ADGRL3: variants seen among roughly 807,000 people sequenced by gnomAD.
ADGRL3 encodes calcium-independent alpha-latrotoxin receptor 3.
In ADGRL3, 62 loss-of-function variants were observed where a neutral mutation model predicts 153.5. The ratio of observed to expected loss-of-function variants is 0.40; its 90% confidence interval spans 0.33 to 0.50. ADGRL3 has a LOEUF of 0.50. Ranked by LOEUF, ADGRL3 falls within the 20% of genes least tolerant of loss-of-function variation. ADGRL3 has a pLI of 0.47. For missense variants in ADGRL3, 1,641 were observed against 1,859.4 expected, an observed-to-expected ratio of 0.88 and a Z score of 2.16; for synonymous variants, 710 against 672.5, an observed-to-expected ratio of 1.06 and a Z score of -0.86.
chr4:61,663,461 C>T (rs73825914), intron 5 of ADGRL3, among the ~76,000 whole-genome samples: 4,107 of 152,332 alleles, frequency 0.027, 125 homozygotes, highest in East Asian at 0.12. Flanking sequence ...TACCCCACCG[C>T]AGCCGGTGTG....
At chr4:62,056,841 A>G (rs1737285020) in intron 25 of ADGRL3, among the ~76,000 whole-genome samples, 2 of 152,128 alleles carry the variant, frequency 1.3e-5, no homozygotes, top group Admixed American at 6.6e-5. Context: ...TTATTAGGAT[A>G]AAGCAAACAG....
intron 1 of ADGRL3, among the ~76,000 whole-genome samples, chr4:61,295,680 C>A (rs2094386001): frequency 6.6e-6 from 1 of 151,844 alleles, no homozygotes; most frequent in Admixed American, 6.6e-5. Flanking sequence ...GCGGGCTGGG[C>A]ACAGTGGCTC....
At chr4:61,603,047 C>T (rs750242707) in intron 5 of ADGRL3, among the ~76,000 whole-genome samples, 1 of 152,070 alleles carries the variant, frequency 6.6e-6, no homozygotes, top group Non-Finnish European at 1.5e-5. Flanking sequence ...TAAGATATTT[C>T]AAGCAATAAT....
chr4:61,662,297 C>T (rs914049297), intron 5 of ADGRL3, among the ~76,000 whole-genome samples: 2 of 152,218 alleles, frequency 1.3e-5, no homozygotes, highest in African/African-American at 4.8e-5. Flanking sequence ...TGATTGTGGA[C>T]CCAGGCATTA....
chr4:61,840,784 T>C (rs1463450974), intron 9 of ADGRL3, among the ~76,000 whole-genome samples: 1 of 152,184 alleles, frequency 6.6e-6, no homozygotes, highest in Non-Finnish European at 1.5e-5. Context: ...AGAAAAAGGT[T>C]TGAAATAATT....
intron 19 of ADGRL3, among the ~76,000 whole-genome samples, chr4:61,988,085 T>C (rs1179302183): frequency 6.6e-6 from 1 of 152,164 alleles, no homozygotes; most frequent in Admixed American, 6.5e-5. Flanking sequence ...TTTTGATGTT[T>C]TTCTATGAAA....
At chr4:61,666,744 T>C (rs1004850911) in intron 5 of ADGRL3, among the ~76,000 whole-genome samples, 1 of 152,148 alleles carries the variant, frequency 6.6e-6, no homozygotes, top group African/African-American at 2.4e-5. Flanking sequence ...AAGCAATATC[T>C]TTATTTGCTG....
At chr4:61,516,657 G>T (rs2098497503) in intron 3 of ADGRL3, among the ~76,000 whole-genome samples, 1 of 151,880 alleles carries the variant, frequency 6.6e-6, no homozygotes, top group African/African-American at 2.4e-5. Flanking sequence ...CCATTTGTCA[G>T]TAAAATCACT....
At chr4:61,583,702 G>C (rs752992809) in intron 4 of ADGRL3, 1 of 518,562 alleles carries the variant, frequency 1.9e-6, no homozygotes, top group Admixed American at 1.9e-5. Context: ...TCAGTGAGTA[G>C]TTCCAAAGTG....
intron 1 of ADGRL3, among the ~76,000 whole-genome samples, chr4:61,243,950 C>G (rs527243576): frequency 6.6e-6 from 1 of 151,974 alleles, no homozygotes; most frequent in East Asian, 1.9e-4. Context: ...AAATACTATC[C>G]TTAGATTTAA....
intron 1 of ADGRL3, among the ~76,000 whole-genome samples, chr4:61,350,004 T>TA (rs1397814910): frequency 1.3e-5 from 2 of 152,180 alleles, no homozygotes; most frequent in Non-Finnish European, 2.9e-5. Context: ...AAGAACACTA[T>TA]TTAAGGTTAT....
chr4:61,956,641 G>A (rs1374191644), intron 17 of ADGRL3, among the ~76,000 whole-genome samples: 1 of 152,170 alleles, frequency 6.6e-6, no homozygotes, highest in African/African-American at 2.4e-5. Context: ...TATTGCCTAG[G>A]TTTGGTTCTG....
chr4:61,858,409 T>C (rs902569941), intron 9 of ADGRL3, among the ~76,000 whole-genome samples: 3 of 152,024 alleles, frequency 2.0e-5, no homozygotes, highest in Admixed American at 2.0e-4. Context: ...GATCACCAGG[T>C]CAGGAGTTCA....
In ADGRL3 at chr4:61,701,379, G is replaced by A. The variant is rs2095755300; in HGVS notation, c.583+24444G>A. On this transcript the variant is annotated intron_variant, in intron 6 of 26. Coordinates refer to ENST00000683033, the MANE Select transcript of ADGRL3 (RefSeq NM_001387552.1). ...GGGAAGAAAATGGTTACATAATCAA[G>A]TAAGTTTATAAGACAACATAATAAG... 2.7e-5 allele frequency among the ~76,000 whole-genome samples: 4 copies of A among 150,300 alleles called. 1 individual carries two copies. The South Asian group carries it at 8.4e-4, about 32-fold the overall frequency.
At chr4:61,736,292 G>T (rs947253334) in intron 8 of ADGRL3, among the ~76,000 whole-genome samples, 2 of 152,076 alleles carry the variant, frequency 1.3e-5, no homozygotes, top group Admixed American at 1.3e-4. Flanking sequence ...GTATTTGCTT[G>T]TCTGTTTATG....
intron 4 of ADGRL3, among the ~76,000 whole-genome samples, chr4:61,584,640 T>G (rs1043460141): frequency 6.6e-6 from 1 of 151,988 alleles, no homozygotes; most frequent in African/African-American, 2.4e-5. Flanking sequence ...AATCCAATGT[T>G]TGGAAGCAGT....
At chr4:61,783,018 C>T (rs1364322776) in intron 8 of ADGRL3, among the ~76,000 whole-genome samples, 2 of 152,016 alleles carry the variant, frequency 1.3e-5, no homozygotes, top group African/African-American at 4.8e-5. Context: ...AAACGTATTC[C>T]CAGGCTCCAC....
intron 8 of ADGRL3, among the ~76,000 whole-genome samples, chr4:61,744,540 C>T (rs914065780): frequency 3.3e-5 from 5 of 152,210 alleles, no homozygotes; most frequent in African/African-American, 4.8e-5. Flanking sequence ...TATCAGGCAG[C>T]AGCGTTTGTG....
At chr4:62,060,064 G>A (rs757327279) in intron 25 of ADGRL3, among the ~76,000 whole-genome samples, 2 of 151,648 alleles carry the variant, frequency 1.3e-5, no homozygotes, top group Non-Finnish European at 2.9e-5. Context: ...TTTTGTTCTT[G>A]TATTCTTGGC....
Sources: allele counts gnomAD v4.1 joint callset (sites outside exome capture counted in the v4.1 genomes callset), GRCh38; gene constraint gnomAD v4.1.1; transcripts MANE v1.5; gene names NCBI Gene and HGNC (gene_info 2026-07-23, HGNC 2026-07-21).